Variants in SLC8B1 observed in about 807,000 individuals in gnomAD.
SLC8B1 encodes the protein solute carrier family 8 member B1.
Under a neutral mutation model 63.4 loss-of-function variants are expected in SLC8B1, and 52 were observed. That is an observed-to-expected ratio of 0.82 (90% CI 0.66 to 1.03). The LOEUF (loss-of-function observed/expected upper bound fraction) is 1.03. Ranked by LOEUF, SLC8B1 falls within the 50% of genes least tolerant of loss-of-function variation. SLC8B1 has a pLI of 0.00. For synonymous variants in SLC8B1, 336 were observed against 323.9 expected, an observed-to-expected ratio of 1.04 and a Z score of -0.40; for missense variants, 657 against 741.7, an observed-to-expected ratio of 0.89 and a Z score of 1.33.
intron 1 of SLC8B1, 103 bp from the exon 2 acceptor site, chr12:113,333,063 C>A: frequency 1.4e-6 from 1 of 710,576 alleles, no homozygotes; most frequent in East Asian, 2.8e-5. Context: ...TCCTGCCTCC[C>A]GGCAGCAAAG....
In SLC8B1 at chr12:113,310,046, C is replaced by CA. The variant is rs11297438; in HGVS notation, c.1257+187dup. On this transcript the variant is annotated intron_variant, in intron 12 of 15. Transcript: ENST00000680972. ...CATCTCAACAAAATTAAGCTATTAC[C>CA]AAAAAAAAAAAGAAAAAAACCCTGT... is the stretch of plus-strand genomic sequence containing the variant. Among the ~76,000 whole-genome samples the CA allele has an allele frequency of 1.5e-3, 213 of 143,432 alleles. 1 individual carries two copies. The highest frequency in any genetic ancestry group is 1.9e-3 in the Non-Finnish European group (124 of 64,796). The allele number at this position is 143,432 out of a possible 152,430, so 94.1% of individuals were successfully genotyped here.
chr12:113,318,107 T>C (rs1956862470), intron 8 of SLC8B1, among the ~76,000 whole-genome samples: 1 of 152,198 alleles, frequency 6.6e-6, no homozygotes, highest in East Asian at 1.9e-4. Flanking sequence ...CGCATGTTTG[T>C]ATAAGTGTGT....
Position 113,319,040 on chromosome 12 carries a change from G to A in SLC8B1, c.726C>T (p.Val242=), listed in dbSNP as rs373387307. The A allele has an allele frequency of 4.3e-6, 7 of 1,613,892 alleles. No individual in the cohort carries two copies. The highest frequency in any genetic ancestry group is 4.0e-5 in the African/African-American group (3 of 74,888). Residue 242 remains valine, a synonymous_variant, in exon 8 of 16, where the codon GTC becomes GTT. Coordinates refer to ENST00000680972, the MANE Select transcript of SLC8B1 (RefSeq NM_001358345.2). ...GYLGLYVFYV[V]TVILCTWIYQ... is the part of the protein sequence containing the mutation. ...AGATCCAGGTGCAGAGAATCACAGT[G>A]ACCACATAGAACACATACAAGCCCA...
intron 12 of SLC8B1, 137 bp downstream of exon 12, chr12:113,310,097 G>A: frequency 1.7e-6 from 2 of 1,159,500 alleles, no homozygotes; most frequent in Non-Finnish European, 2.3e-6. Context: ...CTCAAAAGCA[G>A]CTTTAAAGTT....
At chr12:113,318,398 G>T (rs978582407) in intron 8 of SLC8B1, among the ~76,000 whole-genome samples, 2 of 150,398 alleles carry the variant, frequency 1.3e-5, no homozygotes, top group African/African-American at 2.5e-5. Context: ...GCATGTATTT[G>T]TGTGTGTGCA....
In SLC8B1 at chr12:113,313,554, G is replaced by A. The variant is rs75405282; in HGVS notation, c.1135+1781C>T. On this transcript the variant is annotated intron_variant, in intron 11 of 15. Coordinates refer to ENST00000680972, the MANE Select transcript of SLC8B1 (RefSeq NM_001358345.2). Reference sequence around the variant, plus strand: ...TCAAGAGTTTGAGACCAGCCTGGCCGACATAGTGAAACCCCGCCTCTACTA... The same window carrying A: ...TCAAGAGTTTGAGACCAGCCTGGCCAACATAGTGAAACCCCGCCTCTACTA... Among the ~76,000 whole-genome samples the A allele has an allele frequency of 4.9e-3, 741 of 152,078 alleles. 26 individuals carry two copies. In the East Asian group the frequency reaches 0.093, roughly 19 times the overall value.
chr12:113,316,868 G>A, intron 9 of SLC8B1, 74 bp downstream of exon 9: 1 of 1,543,896 alleles, frequency 6.5e-7, no homozygotes, highest in South Asian at 1.1e-5. Flanking sequence ...CCCAGGTCTT[G>A]GAGGGCCCCA....
chr12:113,329,473 G>A (rs147450902), intron 2 of SLC8B1, among the ~76,000 whole-genome samples: 2 of 152,264 alleles, frequency 1.3e-5, no homozygotes, highest in East Asian at 1.9e-4. Context: ...GAGTGAGTCA[G>A]CAAGGTGGGT....
At chr12:113,307,928 A>G in intron 12 of SLC8B1, 84 bp from the exon 13 acceptor site, 6 of 1,503,334 alleles carry the variant, frequency 4.0e-6, no homozygotes, top group East Asian at 4.6e-5. Flanking sequence ...AAACGGGATG[A>G]TAACAGTATC....
intron 15 of SLC8B1, among the ~76,000 whole-genome samples, chr12:113,303,009 G>GCA (rs369621637): frequency 9.4e-5 from 14 of 148,348 alleles, no homozygotes; most frequent in African/African-American, 2.5e-4. Flanking sequence ...AGACACACGC[G>GCA]CACACACACA....
At chr12:113,321,695 T>C (rs1956933288) in intron 2 of SLC8B1, among the ~76,000 whole-genome samples, 2 of 152,018 alleles carry the variant, frequency 1.3e-5, no homozygotes, top group South Asian at 2.1e-4. Context: ...ATTATATTTG[T>C]ATATATATCC....
intron 8 of SLC8B1, 102 bp from the exon 9 acceptor site, chr12:113,317,103 T>C (rs557897611): frequency 2.0e-6 from 2 of 987,102 alleles, no homozygotes; most frequent in East Asian, 2.6e-5. Context: ...GGCCATCTTA[T>C]TTACTTAGTT....
rs138140340 is a variant in SLC8B1, at chr12:113,305,798, C to T, written c.1492+697G>A. Among the ~76,000 whole-genome samples, 843 of 152,254 alleles carry T rather than the reference C, an allele frequency of 5.5e-3. 6 individuals are homozygous for T. Among genetic ancestry groups the T allele is most frequent in the South Asian group, 0.031 (148 of 4,822 alleles). On this transcript the variant is annotated intron_variant, in intron 14 of 15. Transcript: ENST00000680972. The surrounding 1 kb of genome is among the most constrained non-coding windows in gnomAD (Gnocchi z 4.3). Reference sequence around the variant, plus strand: ...TCTTTGGGCCAGGTGTGGTGGCTCACGCCTGTAATCCCAGCACTTGGAGGC... The same window carrying T: ...TCTTTGGGCCAGGTGTGGTGGCTCATGCCTGTAATCCCAGCACTTGGAGGC...
At chr12:113,326,683 C>CTTTT (rs561363613) in intron 2 of SLC8B1, among the ~76,000 whole-genome samples, 1 of 144,790 alleles carries the variant, frequency 6.9e-6, no homozygotes, top group African/African-American at 2.5e-5. Context: ...CTTTCTCTCT[C>CTTTT]TTTTTTTTTT....
At position 113,299,731 on chromosome 12, in the gene SLC8B1, G is replaced by T; in HGVS notation, c.*46C>A. 1 of 1,572,522 alleles carries T rather than the reference G, an allele frequency of 6.4e-7. No homozygotes were observed. The highest frequency in any genetic ancestry group is 8.7e-7 in the Non-Finnish European group (1 of 1,145,302). On this transcript the variant is annotated 3_prime_UTR_variant, in exon 16 of 16. Coordinates refer to ENST00000680972, the MANE Select transcript of SLC8B1 (RefSeq NM_001358345.2). ...CCCTGGGCCTCCCCCGGCAGGAGGG[G>T]CGGGGCTCCTGCCTGCAGTGAGGCC...
chr12:113,301,553 G>A (rs1373740961), intron 15 of SLC8B1, among the ~76,000 whole-genome samples: 6 of 152,054 alleles, frequency 3.9e-5, no homozygotes, highest in Non-Finnish European at 7.4e-5. Flanking sequence ...TGGCCAGACT[G>A]TTCTCGAACT....
intron 11 of SLC8B1, among the ~76,000 whole-genome samples, chr12:113,312,816 T>C (rs923178275): frequency 6.6e-6 from 1 of 152,228 alleles, no homozygotes; most frequent in Non-Finnish European, 1.5e-5. Context: ...TAATAGGACT[T>C]GAACATCTCA....
intron 2 of SLC8B1, among the ~76,000 whole-genome samples, chr12:113,328,240 G>C (rs1367142717): frequency 6.6e-6 from 1 of 152,106 alleles, no homozygotes; most frequent in Non-Finnish European, 1.5e-5. Context: ...TGTTGGCCAG[G>C]CTAGTCTCAA....
At chr12:113,315,851 T>G (rs1441282807) in intron 10 of SLC8B1, among the ~76,000 whole-genome samples, 1 of 152,220 alleles carries the variant, frequency 6.6e-6, no homozygotes, top group Non-Finnish European at 1.5e-5. Context: ...TCTCTGACTC[T>G]GACCCTCCTG....
Sources: gnomAD v4.1 joint callset for allele counts (sites outside exome capture counted in the v4.1 genomes callset) on GRCh38, gnomAD v4.1.1 for gene constraint, Gnocchi (gnomAD v3.1) non-coding constraint, MANE v1.5 for transcripts, NCBI Gene and HGNC (gene_info 2026-07-23, HGNC 2026-07-21) for gene names.